Variants in WWOX observed in about 807,000 individuals in gnomAD.
WWOX encodes the protein WW domain containing oxidoreductase, also known as WW domain-containing oxidoreductase.
WWOX carries 69 observed loss-of-function variants against 46.2 expected under a neutral mutation model. That is an observed-to-expected ratio of 1.49 (90% CI 1.23 to 1.82). The LOEUF (loss-of-function observed/expected upper bound fraction) is 1.82, where lower values mean the gene tolerates loss of function less well. WWOX is among the 40% of genes most tolerant of loss of function. The pLI, the probability that WWOX is intolerant of heterozygous loss-of-function variation, is 0.00. For synonymous variants in WWOX, 359 were observed against 202.6 expected, an observed-to-expected ratio of 1.77 and a Z score of -6.56; for missense variants, 919 against 542.6, an observed-to-expected ratio of 1.69 and a Z score of -6.89.
intron 5 of WWOX, among the ~76,000 whole-genome samples, chr16:78,321,974 A>G (rs1295417292): frequency 6.6e-6 from 1 of 152,242 alleles, no homozygotes; most frequent in Non-Finnish European, 1.5e-5. Flanking sequence ...CTGCAGAGAC[A>G]GGTTGTGGAT....
chr16:78,320,895 G>GT (rs1416808852), intron 5 of WWOX, among the ~76,000 whole-genome samples: 41 of 152,272 alleles, frequency 2.7e-4, no homozygotes, highest in African/African-American at 9.6e-4. Context: ...AGCTTCATGT[G>GT]TTTCTGAAGC....
intron 8 of WWOX, among the ~76,000 whole-genome samples, chr16:78,834,667 G>A (rs887866068): frequency 5.9e-5 from 9 of 152,088 alleles, no homozygotes; most frequent in Admixed American, 5.2e-4. Flanking sequence ...ACATTCCACT[G>A]ACTTCTTAAC....
intron 8 of WWOX, among the ~76,000 whole-genome samples, chr16:78,510,304 C>A (rs544777966): frequency 1.3e-5 from 2 of 152,286 alleles, no homozygotes; most frequent in Non-Finnish European, 2.9e-5. Context: ...CTCCTGAGTT[C>A]AACTGATTCT....
intron 3 of WWOX, among the ~76,000 whole-genome samples, chr16:78,111,482 C>A (rs1483209177): frequency 1.3e-5 from 2 of 152,170 alleles, no homozygotes; most frequent in African/African-American, 4.8e-5. Flanking sequence ...TCTGTCACAC[C>A]CGCATAAGGG....
chr16:78,246,955 T>C (rs1322853129), intron 5 of WWOX, among the ~76,000 whole-genome samples: 1 of 152,170 alleles, frequency 6.6e-6, no homozygotes, highest in Non-Finnish European at 1.5e-5. Flanking sequence ...AGTCAGACCA[T>C]AGCAGTATCA....
At position 78,895,645 on chromosome 16, in the gene WWOX, G is replaced by C. The variant is rs546158908; in HGVS notation, c.1057-315963G>C. The stretch of plus-strand genomic sequence containing the variant: ...GCTTGGCAATGCTGACCCCAAATGA[G>C]AAATAACTATCATTGGTGTTTTCCT... On this transcript the variant is annotated intron_variant, in intron 8 of 8. Transcript: ENST00000566780. 4 of 152,298 alleles carry C rather than the reference G, an allele frequency of 2.6e-5. No individual in the cohort carries two copies. The South Asian group carries it at 8.3e-4, about 32-fold the overall frequency. 9.4% of individuals were successfully genotyped at this position (152,298 alleles called of 1,614,324 possible).
At chr16:79,163,897 A>AAAAAAG (rs2050539246) in intron 8 of WWOX, among the ~76,000 whole-genome samples, 1 of 150,118 alleles carries the variant, frequency 6.7e-6, no homozygotes, top group African/African-American at 2.5e-5. Context: ...AAAAAAAAAA[A>AAAAAAG]GGAACTGATC....
At chr16:79,134,243 G>C (rs1401244698) in intron 8 of WWOX, among the ~76,000 whole-genome samples, 1 of 152,050 alleles carries the variant, frequency 6.6e-6, no homozygotes. Context: ...TAACTGCTGA[G>C]GGCAGTACAT....
At chr16:78,956,689 T>A (rs17709147) in intron 8 of WWOX, among the ~76,000 whole-genome samples, 10,140 of 152,272 alleles carry the variant, frequency 0.067, 458 homozygotes, top group Middle Eastern at 0.1. Context: ...TTAATCTCTT[T>A]GTGCACACAT....
chr16:78,172,138 C>G (rs1034318337), intron 5 of WWOX, among the ~76,000 whole-genome samples: 6 of 152,088 alleles, frequency 3.9e-5, no homozygotes, highest in Non-Finnish European at 5.9e-5. Flanking sequence ...AGGACTTAGA[C>G]AAGTATTGTA....
chr16:78,496,604 T>C (rs749650541), intron 8 of WWOX, among the ~76,000 whole-genome samples: 3 of 152,254 alleles, frequency 2.0e-5, no homozygotes, highest in Non-Finnish European at 2.9e-5. Flanking sequence ...ATTACACTGC[T>C]TTCTTTAGTG....
chr16:79,087,881 C>T (rs939345681), intron 8 of WWOX, among the ~76,000 whole-genome samples: 3 of 152,138 alleles, frequency 2.0e-5, no homozygotes, highest in African/African-American at 7.2e-5. Context: ...TCGGAAAGGA[C>T]AGGATGTGGA....
At chr16:78,788,336 A>C (rs2050507591) in intron 8 of WWOX, among the ~76,000 whole-genome samples, 1 of 152,214 alleles carries the variant, frequency 6.6e-6, no homozygotes, top group Non-Finnish European at 1.5e-5. Context: ...TGTGTTAGGC[A>C]TCAGGAAACA....
intron 8 of WWOX, among the ~76,000 whole-genome samples, chr16:78,598,126 G>A (rs1317914907): frequency 6.6e-6 from 1 of 152,118 alleles, no homozygotes; most frequent in Non-Finnish European, 1.5e-5. Context: ...AGGGAATCAT[G>A]GATTTTCTAC....
At chr16:79,175,924 C>T (rs2050791476) in intron 8 of WWOX, among the ~76,000 whole-genome samples, 2 of 152,290 alleles carry the variant, frequency 1.3e-5, no homozygotes, top group Admixed American at 1.3e-4. Flanking sequence ...GCTGTAATCT[C>T]TACCTGAGTT....
At chr16:78,773,533 A>G (rs2050117722) in intron 8 of WWOX, among the ~76,000 whole-genome samples, 1 of 152,210 alleles carries the variant, frequency 6.6e-6, no homozygotes, top group South Asian at 2.1e-4. Flanking sequence ...TGTTGATGGG[A>G]AAACGCTGTT....
intron 8 of WWOX, among the ~76,000 whole-genome samples, chr16:78,871,568 A>G (rs956986882): frequency 6.6e-6 from 1 of 152,150 alleles, no homozygotes; most frequent in African/African-American, 2.4e-5. Flanking sequence ...GTGACAATCT[A>G]AATCCTAAAT....
intron 5 of WWOX, among the ~76,000 whole-genome samples, chr16:78,281,491 C>G (rs1026989904): frequency 6.6e-6 from 1 of 152,120 alleles, no homozygotes; most frequent in African/African-American, 2.4e-5. Context: ...TACTGGCTGA[C>G]AAAATGCGAA....
At chr16:79,157,284 G>A (rs2050400081) in intron 8 of WWOX, among the ~76,000 whole-genome samples, 1 of 152,248 alleles carries the variant, frequency 6.6e-6, no homozygotes, top group Non-Finnish European at 1.5e-5. Context: ...TTAGTAGCAA[G>A]AAAACTGATC....
Sources: gnomAD v4.1 joint callset for allele counts (sites outside exome capture counted in the v4.1 genomes callset) on GRCh38, gnomAD v4.1.1 for gene constraint, MANE v1.5 for transcripts, NCBI Gene and HGNC (gene_info 2026-07-23, HGNC 2026-07-21) for gene names.